GLIS3: variants seen among roughly 807,000 people sequenced by gnomAD.
The protein encoded by GLIS3 is GLIS family zinc finger 3.
In GLIS3, 53 loss-of-function variants were observed where a neutral mutation model predicts 78.6. The observed-to-expected ratio is 0.67, with a 90% CI of 0.54 to 0.85. GLIS3 has a LOEUF of 0.85. Ranked by LOEUF, GLIS3 falls within the 40% of genes least tolerant of loss-of-function variation. The pLI, the probability that GLIS3 is intolerant of heterozygous loss-of-function variation, is 0.00. For missense variants in GLIS3, 1,703 were observed against 1,231.1 expected (o/e 1.38, Z -5.74); for synonymous variants, 684 against 509.9 (o/e 1.34, Z -4.60).
intron 2 of GLIS3, among the ~76,000 whole-genome samples, chr9:4,214,445 G>A (rs7850605): frequency 1 from 152,221 of 152,346 alleles, 76,048 homozygotes; most frequent in Non-Finnish European, 1. Context: ...TTCTGTGTGC[G>A]GTAACATTCA....
At chr9:4,183,137 C>G (rs778488666) in intron 2 of GLIS3, among the ~76,000 whole-genome samples, 2 of 152,184 alleles carry the variant, frequency 1.3e-5, no homozygotes, top group African/African-American at 4.8e-5. Context: ...TGTTAAGGCA[C>G]TGCCACAGTG....
At chr9:4,348,651 AACT>A (rs1303291315), upstream of GLIS3, among the ~76,000 whole-genome samples, 1 of 152,242 alleles carries the variant, frequency 6.6e-6, no homozygotes, top group Non-Finnish European at 1.5e-5. Context: ...TTGAGGACTC[AACT>A]ACCTGACTTT....
chr9:4,146,747 A>C (rs1328380779), intron 2 of GLIS3, among the ~76,000 whole-genome samples: 2 of 152,190 alleles, frequency 1.3e-5, no homozygotes, highest in Non-Finnish European at 2.9e-5. Context: ...CTAAATATGC[A>C]ATTTATGTCT....
intron 7 of GLIS3, among the ~76,000 whole-genome samples, chr9:3,896,452 G>A (rs1023349994): frequency 1.3e-5 from 2 of 151,780 alleles, no homozygotes; most frequent in African/African-American, 2.4e-5. Context: ...ATCACCTGAG[G>A]TCAGGAGTTT....
chr9:3,879,888 G>C (rs1821613321), intron 7 of GLIS3, among the ~76,000 whole-genome samples: 1 of 152,056 alleles, frequency 6.6e-6, no homozygotes, highest in South Asian at 2.1e-4. Flanking sequence ...AGTCAGTCTT[G>C]TACTGTTTGC....
At chr9:4,248,726 T>A (rs886852683) in intron 2 of GLIS3, among the ~76,000 whole-genome samples, 6 of 152,244 alleles carry the variant, frequency 3.9e-5, no homozygotes, top group African/African-American at 1.4e-4. Context: ...GCATTCCTAT[T>A]TCTCCACATT....
chr9:4,153,499 G>A (rs1373754593), intron 2 of GLIS3, among the ~76,000 whole-genome samples: 1 of 152,150 alleles, frequency 6.6e-6, no homozygotes, highest in African/African-American at 2.4e-5. Flanking sequence ...AGGAGGCAGA[G>A]GTTGCAGTGA....
chr9:4,310,650 C>T (rs1327074655), intron 2 of GLIS3: 1 of 152,320 alleles, frequency 6.6e-6, no homozygotes, highest in Non-Finnish European at 1.5e-5. Flanking sequence ...GATCCAGCCC[C>T]ATGAGGACAC....
At chr9:4,459,528 C>A in the GLIS3 span, among the ~76,000 whole-genome samples, 1 of 152,190 alleles carries the variant, frequency 6.6e-6, no homozygotes, top group Admixed American at 6.5e-5. Context: ...CTTTGGGAGG[C>A]CAAGATGGGA....
chr9:4,218,926 C>T (rs1215444459), intron 2 of GLIS3, among the ~76,000 whole-genome samples: 1 of 152,202 alleles, frequency 6.6e-6, no homozygotes, highest in Admixed American at 6.5e-5. Flanking sequence ...CAACAATTGT[C>T]CTTTCTCTTC....
At chr9:4,033,811 C>T (rs977006059) in intron 4 of GLIS3, among the ~76,000 whole-genome samples, 2 of 136,442 alleles carry the variant, frequency 1.5e-5, no homozygotes, top group Admixed American at 8.2e-5. Context: ...CCCTTTCATG[C>T]ACATGGCAAC....
At chr9:3,896,769 T>A (rs1001501494) in intron 7 of GLIS3, among the ~76,000 whole-genome samples, 1 of 151,168 alleles carries the variant, frequency 6.6e-6, no homozygotes, top group Admixed American at 6.6e-5. Flanking sequence ...ATCATCTGCA[T>A]GTTTCAAGTG....
rs369254893 is a variant in GLIS3 at position 4,191,010 on chromosome 9, C to A, written c.389-65069G>T. ...AGAGATTTTGTCACCGCCAGGCCTG[C>A]CCTAAAAGAGCTCCTGAAGGAAGCG... On this transcript the variant is annotated intron_variant, in intron 2 of 10. Transcript: ENST00000381971. 1.6e-4 allele frequency among the ~76,000 whole-genome samples: 24 copies of A among 151,940 alleles called. No individual in the cohort carries two copies. The South Asian group carries it at 2.1e-3, about 13-fold the overall frequency.
chr9:3,866,847 C>T (rs1193139154), intron 8 of GLIS3, among the ~76,000 whole-genome samples: 4 of 152,018 alleles, frequency 2.6e-5, no homozygotes, highest in African/African-American at 9.7e-5. Context: ...TGGTGTAGAG[C>T]AGTGCCATGT....
intron 2 of GLIS3, among the ~76,000 whole-genome samples, chr9:4,199,598 G>C (rs1171087895): frequency 2.7e-5 from 4 of 150,642 alleles, no homozygotes; most frequent in East Asian, 3.9e-4. Flanking sequence ...AATTCAACAA[G>C]AAGACTTAAC....
upstream of GLIS3, among the ~76,000 whole-genome samples, chr9:4,352,244 TG>T (rs1324452068): frequency 6.6e-6 from 1 of 152,226 alleles, no homozygotes; most frequent in Non-Finnish European, 1.5e-5. Context: ...GTGTTCTCTT[TG>T]GGGAGGCTAA....
chr9:4,046,331 C>T (rs1825246023), intron 4 of GLIS3, among the ~76,000 whole-genome samples: 1 of 152,054 alleles, frequency 6.6e-6, no homozygotes, highest in African/African-American at 2.4e-5. Flanking sequence ...AGGCACAGTG[C>T]TGAGAAAAAC....
intron 4 of GLIS3, among the ~76,000 whole-genome samples, chr9:4,117,505 T>G (rs1403032363): frequency 6.6e-6 from 1 of 152,294 alleles, no homozygotes; most frequent in South Asian, 2.1e-4. Flanking sequence ...GGCTGGCATC[T>G]CCTTTCCAAG....
intron 4 of GLIS3, among the ~76,000 whole-genome samples, chr9:4,067,471 C>G (rs565259087): frequency 2.5e-4 from 38 of 152,114 alleles, no homozygotes; most frequent in Non-Finnish European, 4.9e-4. Flanking sequence ...GAGCACAGAA[C>G]ACAGAAAAAG....
Sources: allele counts gnomAD v4.1 joint callset (sites outside exome capture counted in the v4.1 genomes callset), GRCh38; gene constraint gnomAD v4.1.1; transcripts MANE v1.5; gene names NCBI Gene and HGNC (gene_info 2026-07-23, HGNC 2026-07-21).